KAZN: variants seen among roughly 807,000 people sequenced by gnomAD.
KAZN encodes kazrin.
Under a neutral mutation model 87.4 loss-of-function variants are expected in KAZN, and 40 were observed. The observed-to-expected ratio is 0.46, with a 90% CI of 0.36 to 0.60. KAZN has a LOEUF of 0.60. Among genes scored for constraint, KAZN ranks in the 20% least tolerant of loss-of-function variants. The pLI, the probability that KAZN is intolerant of heterozygous loss-of-function variation, is 0.00. For missense variants in KAZN, 898 were observed against 1,073.9 expected (o/e 0.84, Z 2.29); for synonymous variants, 466 against 458.3 (o/e 1.02, Z -0.22).
At chr1:14,201,499 AC>A (rs1369507625) in intron 2 of KAZN, among the ~76,000 whole-genome samples, 3 of 152,000 alleles carry the variant, frequency 2.0e-5, no homozygotes, top group Admixed American at 6.5e-5. Flanking sequence ...CAAACCACCT[AC>A]CCCCACTTTC....
chr1:15,101,065 G>A (rs767403975), intron 10 of KAZN, among the ~76,000 whole-genome samples: 17 of 152,144 alleles, frequency 1.1e-4, no homozygotes, highest in Non-Finnish European at 1.8e-4. Flanking sequence ...CCGCCCCTGC[G>A]CCTTCTCACC....
chr1:14,904,482 C>T (rs1487368146), intron 1 of KAZN, among the ~76,000 whole-genome samples: 1 of 152,186 alleles, frequency 6.6e-6, no homozygotes, highest in African/African-American at 2.4e-5. Flanking sequence ...AAGAGACACC[C>T]CAGCTGCCAC....
chr1:14,927,485 G>A (rs1201949782), intron 1 of KAZN, among the ~76,000 whole-genome samples: 1 of 152,194 alleles, frequency 6.6e-6, no homozygotes, highest in Non-Finnish European at 1.5e-5. Flanking sequence ...AGAATGATGG[G>A]AGCAGGTGCT....
At chr1:14,783,353 C>A (rs1244944573) in intron 1 of KAZN, among the ~76,000 whole-genome samples, 1 of 151,980 alleles carries the variant, frequency 6.6e-6, no homozygotes, top group East Asian at 1.9e-4. Context: ...GCAGACTGAG[C>A]CACTGCAAGA....
intron 4 of KAZN, among the ~76,000 whole-genome samples, chr1:15,054,578 G>A (rs1674740695): frequency 6.6e-6 from 1 of 151,838 alleles, no homozygotes; most frequent in African/African-American, 2.4e-5. Context: ...CTTGAGCATG[G>A]GAGGTGGAGG....
chr1:14,380,808 T>C (rs1183058823), intron 2 of KAZN, among the ~76,000 whole-genome samples: 1 of 152,072 alleles, frequency 6.6e-6, no homozygotes, highest in African/African-American at 2.4e-5. Flanking sequence ...GAAAGTTTAG[T>C]AAAAGGGATA....
rs180762337 is a variant in KAZN, at chr1:14,476,699, G to A, written c.250-122284G>A. Among the ~76,000 whole-genome samples the A allele has an allele frequency of 5.5e-3, 839 of 152,250 alleles. 4 individuals are homozygous for A. The highest frequency in any genetic ancestry group is 0.014 in the Middle Eastern group (4 of 294). On this transcript the variant is annotated intron_variant, in intron 2 of 16. Coordinates refer to the KAZN transcript ENST00000636203. ...CCTTAAGATTGTCACTGGATTCTTGGATGCTGTCATCCCCCTCGTAGAGGG... is the reference window on the plus strand; with the variant it reads ...CCTTAAGATTGTCACTGGATTCTTGAATGCTGTCATCCCCCTCGTAGAGGG...
chr1:13,939,852 G>C (rs779370228), intron 1 of KAZN, among the ~76,000 whole-genome samples: 6 of 152,086 alleles, frequency 3.9e-5, no homozygotes, highest in Non-Finnish European at 8.8e-5. Context: ...AACATGATGA[G>C]AGTGGGAGCA....
chr1:14,254,260 T>A (rs1383736741), intron 2 of KAZN, among the ~76,000 whole-genome samples: 2 of 152,236 alleles, frequency 1.3e-5, no homozygotes, highest in African/African-American at 4.8e-5. Context: ...CATTGTTATA[T>A]CCAGCAACTT....
At chr1:14,086,762 A>G (rs1268133114) in intron 1 of KAZN, among the ~76,000 whole-genome samples, 1 of 152,200 alleles carries the variant, frequency 6.6e-6, no homozygotes, top group African/African-American at 2.4e-5. Flanking sequence ...GGAAGGGTCT[A>G]GATACGGATA....
At chr1:14,573,675 CACTAA>C (rs1447687030) in intron 2 of KAZN, among the ~76,000 whole-genome samples, 4 of 151,998 alleles carry the variant, frequency 2.6e-5, no homozygotes, top group Non-Finnish European at 5.9e-5. Flanking sequence ...GAAAGAAATA[CACTAA>C]ACCCCAAAGA....
intron 2 of KAZN, among the ~76,000 whole-genome samples, chr1:14,537,734 T>C (rs890995183): frequency 3.9e-5 from 6 of 152,198 alleles, no homozygotes; most frequent in Admixed American, 6.5e-5. Context: ...ATCTCAGTTA[T>C]CAGTTTCCCC....
intron 2 of KAZN, among the ~76,000 whole-genome samples, chr1:14,574,969 G>C (rs963793742): frequency 6.6e-6 from 1 of 152,188 alleles, no homozygotes; most frequent in Middle Eastern, 3.2e-3. Context: ...AGCCAGGTGA[G>C]GAGCTTAAGC....
chr1:13,955,834 G>A (rs550015371), intron 1 of KAZN, among the ~76,000 whole-genome samples: 46 of 152,284 alleles, frequency 3.0e-4, no homozygotes, highest in Admixed American at 2.0e-3. Flanking sequence ...GAAAGAAGAG[G>A]CACTGAGGAA....
intron 1 of KAZN, among the ~76,000 whole-genome samples, chr1:14,081,141 C>T (rs1643659912): frequency 6.6e-6 from 1 of 151,540 alleles, no homozygotes; most frequent in South Asian, 2.1e-4. Context: ...TTTAAAACCT[C>T]ATCCTTCTTC....
intron 1 of KAZN, among the ~76,000 whole-genome samples, chr1:14,691,044 G>C (rs1641259513): frequency 6.6e-6 from 1 of 152,150 alleles, no homozygotes; most frequent in African/African-American, 2.4e-5. Flanking sequence ...GGCAATTAAA[G>C]GCAAATGTAT....
chr1:14,404,811 TG>T (rs1663697450), intron 2 of KAZN, among the ~76,000 whole-genome samples: 1 of 152,320 alleles, frequency 6.6e-6, no homozygotes, highest in South Asian at 2.1e-4. Context: ...GTCATTGACA[TG>T]TATGTATTGT....
intron 2 of KAZN, among the ~76,000 whole-genome samples, chr1:14,535,685 A>G (rs1405920954): frequency 1.3e-5 from 2 of 152,140 alleles, no homozygotes; most frequent in Non-Finnish European, 2.9e-5. Context: ...AATAAAAATA[A>G]AAAATAAATT....
chr1:13,942,489 G>A (rs1421487949), intron 1 of KAZN, among the ~76,000 whole-genome samples: 12 of 139,572 alleles, frequency 8.6e-5, no homozygotes, highest in East Asian at 6.2e-4. Context: ...GCAGTGAGCC[G>A]AGATTGCGCC....
Sources: gnomAD v4.1 joint callset for allele counts (sites outside exome capture counted in the v4.1 genomes callset) on GRCh38, gnomAD v4.1.1 for gene constraint, MANE v1.5 for transcripts, NCBI Gene and HGNC (gene_info 2026-07-23, HGNC 2026-07-21) for gene names.